The following BRWD1 variants were observed in gnomAD, a reference collection of about 807,000 sequenced individuals.
The protein encoded by BRWD1 is bromodomain and WD repeat-containing protein 1.
In BRWD1, 82 loss-of-function variants were observed where a neutral mutation model predicts 251.2. The ratio of observed to expected loss-of-function variants is 0.33; its 90% CI spans 0.27 to 0.39. The LOEUF is 0.39. Among genes scored for constraint, BRWD1 ranks in the 10% least tolerant of loss-of-function variants. The pLI, the probability that BRWD1 is intolerant of heterozygous loss-of-function variation, is 1.00. For synonymous variants in BRWD1, 918 were observed against 902.8 expected (o/e 1.02, Z -0.30); for missense variants, 2,233 against 2,711.6 (o/e 0.82, Z 3.92).
chr21:39,190,523 G>A lies in BRWD1; in HGVS notation c.*5736C>T. ...TCCACAAAGTGGGTAAACCCTCTAG[G>A]TGCAAGTTATAAGCTCCCTCAAGCA... On this transcript the variant is annotated 3_prime_UTR_variant, in exon 41 of 41. Coordinates refer to ENST00000342449, the MANE Select transcript of BRWD1 (RefSeq NM_033656.4). 2 of 985,306 alleles carry A rather than the reference G, an allele frequency of 2.0e-6. No homozygotes were observed. Among genetic ancestry groups the A allele is most frequent in the South Asian group, 9.4e-5 (2 of 21,286 alleles). The allele number at this position is 985,306 out of a possible 1,614,324, so 61.0% of individuals were successfully genotyped here.
Position 39,264,927 on chromosome 21 carries a change from C to A in BRWD1, c.1623G>T (p.Leu541=), listed in dbSNP as rs750467938. The A allele has an allele frequency of 6.2e-7, 1 of 1,613,738 alleles. No homozygotes were observed. The highest frequency in any genetic ancestry group is 2.2e-5 in the East Asian group (1 of 44,856). The stretch of plus-strand genomic sequence containing the variant: ...GTTTGCTGCATCCAAAACCAAATAT[C>A]AGAAGGTGCCCATGAGAATCTGTAC... ...FACTDSHGHL[L]IFGFGCSKPY... is the part of the protein sequence containing the mutation. Residue 541 remains leucine, a synonymous_variant, in exon 16 of 41, where the codon CTG becomes CTT. Transcript: ENST00000342449.
intron 27 of BRWD1, among the ~76,000 whole-genome samples, chr21:39,226,954 T>C (rs1014245959): frequency 2.0e-5 from 3 of 151,838 alleles, no homozygotes; most frequent in African/African-American, 2.4e-5. Context: ...CAAGACCCTG[T>C]CTCCACAAAA....
intron 13 of BRWD1, 107 bp from the exon 14 acceptor site, chr21:39,270,540 C>T (rs2035065790): frequency 1.1e-6 from 1 of 922,284 alleles, no homozygotes; most frequent in African/African-American, 1.7e-5. Context: ...ATGTGCCTAT[C>T]TTATCAACCC....
At chr21:39,224,996 GT>G (rs1401808713) in intron 28 of BRWD1, 89 bp downstream of exon 28, 2 of 1,012,152 alleles carry the variant, frequency 2.0e-6, no homozygotes, top group African/African-American at 1.6e-5. Flanking sequence ...TAAAAACCAT[GT>G]TTTTTTAAAA....
rs1264881866 is a variant in BRWD1, at chr21:39,195,647, A to G, written c.*612T>C. The G allele has an allele frequency of 1.0e-6, 1 of 985,372 alleles. No individual in the cohort carries two copies. The highest frequency in any genetic ancestry group is 1.2e-6 in the Non-Finnish European group (1 of 829,626). The allele number at this position is 985,372 out of a possible 1,614,324, so 61.0% of individuals were successfully genotyped here. A position where few individuals can be genotyped will look rare whatever the true frequency, so the allele number is the denominator to read the frequency against. On this transcript the variant is annotated 3_prime_UTR_variant, in exon 41 of 41. Coordinates refer to ENST00000342449, the MANE Select transcript of BRWD1 (RefSeq NM_033656.4). ...GTGACAACGTTTTCCTTAAGAAGAA[A>G]AAAACCCAACAGCACTTGGGAAGAA...
intron 4 of BRWD1, chr21:39,312,463 C>G (rs2272576): frequency 0.92 from 165,640 of 180,104 alleles, 76,667 homozygotes; most frequent in Middle Eastern, 0.96. Flanking sequence ...GCAAGAGCAG[C>G]GAGGCCAATC....
intron 21 of BRWD1, among the ~76,000 whole-genome samples, chr21:39,245,819 T>TG (rs1413553070): frequency 2.0e-5 from 3 of 152,084 alleles, no homozygotes; most frequent in Non-Finnish European, 4.4e-5. Flanking sequence ...AAGCTGGTCT[T>TG]GAAGTCCTGA....
chr21:39,311,192 A>C (rs2036471684), intron 4 of BRWD1, among the ~76,000 whole-genome samples: 1 of 152,064 alleles, frequency 6.6e-6, no homozygotes, highest in African/African-American at 2.4e-5. Context: ...AAAAGAAACT[A>C]GGCCTTGCTC....
At chr21:39,210,342 A>G (rs1011150403) in intron 35 of BRWD1, among the ~76,000 whole-genome samples, 195 bp from the exon 36 acceptor site, 16 of 152,174 alleles carry the variant, frequency 1.1e-4, no homozygotes, top group Admixed American at 8.5e-4. Flanking sequence ...GTTAATGTCT[A>G]TTTATTGTTA....
chr21:39,276,224 GA>G lies in BRWD1; in HGVS notation c.1105-12del. On this transcript the variant is annotated splice_polypyrimidine_tract_variant and intron_variant, in intron 11 of 40. Transcript: ENST00000342449. The stretch of plus-strand genomic sequence containing the variant: ...ACTATCTACTTTATCCTAAAGGGGG[GA>G]AAAGGACAAATACAAAAATGATCAT... The G allele has an allele frequency of 2.5e-6, 4 of 1,590,490 alleles. No individual in the cohort carries two copies. The highest frequency in any genetic ancestry group is 1.8e-5 in the Admixed American group (1 of 57,008).
intron 21 of BRWD1, among the ~76,000 whole-genome samples, chr21:39,240,059 AAAC>A (rs1419830479): frequency 6.6e-6 from 1 of 150,594 alleles, no homozygotes; most frequent in Admixed American, 6.6e-5. Context: ...GTGCTAAAAA[AAAC>A]AAACAAACAA....
Position 39,190,917 on chromosome 21 carries a change from T to C in BRWD1, c.*5342A>G. ...ACCACACAACTCTGAATTTTTGTTC[T>C]TATTCTGGAACTACAACTAATCTAG... On this transcript the variant is annotated 3_prime_UTR_variant, in exon 41 of 41. Coordinates refer to ENST00000342449, the MANE Select transcript of BRWD1 (RefSeq NM_033656.4). 1 of 985,404 alleles carries C rather than the reference T, an allele frequency of 1.0e-6. No homozygotes were observed. The highest frequency in any genetic ancestry group is 1.2e-6 in the Non-Finnish European group (1 of 829,902). The allele number at this position is 985,404 out of a possible 1,614,324, so 61.0% of individuals were successfully genotyped here.
At position 39,200,913 on chromosome 21, in the gene BRWD1, G is replaced by A. The variant is rs988138990; in HGVS notation, c.4586-527C>T. ...GCAGAAGAATCACTTGAACCCAGGA[G>A]GGGAAGGTAGCAGTGAGCCAAGATC... On this transcript the variant is annotated intron_variant, in intron 38 of 40. Transcript: ENST00000342449. Among the ~76,000 whole-genome samples, 36 of 151,942 alleles carry A rather than the reference G, an allele frequency of 2.4e-4. 1 individual carries two copies. Among genetic ancestry groups the A allele is most frequent in the Non-Finnish European group, 7.4e-5 (5 of 68,014 alleles).
At chr21:39,213,446 A>G (rs777628115) in intron 33 of BRWD1, 35 bp downstream of exon 33, 12 of 1,557,032 alleles carry the variant, frequency 7.7e-6, no homozygotes, top group Non-Finnish European at 1.1e-5. Context: ...ATTTGAAATT[A>G]ACAAAAACCA....
At chr21:39,232,114 T>A in intron 25 of BRWD1, 63 bp downstream of exon 25, 1 of 1,232,976 alleles carries the variant, frequency 8.1e-7, no homozygotes, top group Non-Finnish European at 1.2e-6. Context: ...TAAATAGATT[T>A]GTAAGTAATT....
In BRWD1 at chr21:39,236,771, T is replaced by C; in HGVS notation, c.2590A>G (p.Arg864Gly). 1 of 1,613,530 alleles carries C rather than the reference T, an allele frequency of 6.2e-7. No homozygotes were observed. Among genetic ancestry groups the C allele is most frequent in the Middle Eastern group, 1.7e-4 (1 of 6,060 alleles). The change falls in exon 23 of 41, where the codon AGA becomes GGA. Residue 864 changes from arginine to glycine, a missense_variant. Coordinates refer to ENST00000342449, the MANE Select transcript of BRWD1 (RefSeq NM_033656.4). ...YSESSSDSSSRYSDWTADAGI... is the reference protein window; with the variant it reads ...YSESSSDSSSGYSDWTADAGI... ...GCATCAGCTGTCCAATCGGAATATC[T>C]AGATGAAGAGTCACTAGAAAAGGGG...
chr21:39,195,669 A>G lies in BRWD1; in HGVS notation c.*590T>C. The stretch of plus-strand genomic sequence containing the variant: ...GAAAAAAACCCAACAGCACTTGGGA[A>G]GAAAATTAGAAACCATTTCAATGAA... On this transcript the variant is annotated 3_prime_UTR_variant, in exon 41 of 41. Transcript: ENST00000342449. 1 of 985,608 alleles carries G rather than the reference A, an allele frequency of 1.0e-6. No individual in the cohort carries two copies. The highest frequency in any genetic ancestry group is 1.2e-6 in the Non-Finnish European group (1 of 829,738). 61.1% of individuals were successfully genotyped at this position (985,608 alleles called of 1,614,324 possible).
chr21:39,249,179 C>G (rs2034307134), intron 20 of BRWD1, among the ~76,000 whole-genome samples: 1 of 152,152 alleles, frequency 6.6e-6, no homozygotes, highest in Non-Finnish European at 1.5e-5. Context: ...CAGAAGGGAA[C>G]AACAGACATC....
intron 38 of BRWD1, 41 bp downstream of exon 38, chr21:39,202,284 G>A: frequency 6.8e-7 from 1 of 1,468,526 alleles, no homozygotes; most frequent in Non-Finnish European, 9.4e-7. Context: ...TTACACATTT[G>A]GGTGCTCAGC....
Sources: allele counts gnomAD v4.1 joint callset (sites outside exome capture counted in the v4.1 genomes callset), GRCh38; gene constraint gnomAD v4.1.1; transcripts MANE v1.5; gene names NCBI Gene and HGNC (gene_info 2026-07-23, HGNC 2026-07-21).